Variants in MDGA2 observed in about 807,000 individuals in gnomAD.
The protein encoded by MDGA2 is MAM domain containing glycosylphosphatidylinositol anchor 2, also known as MAM domain-containing glycosylphosphatidylinositol anchor protein 2.
Under a neutral mutation model 117.8 loss-of-function variants are expected in MDGA2, and 40 were observed. The observed-to-expected ratio is 0.34, with a 90% CI of 0.26 to 0.44. MDGA2 has a LOEUF of 0.44. MDGA2 is among the 20% of genes least tolerant of loss of function. MDGA2 has a pLI of 1.00. For synonymous variants in MDGA2, 452 were observed against 439.0 expected (o/e 1.03, Z -0.37); for missense variants, 1,123 against 1,250.6 (o/e 0.90, Z 1.54).
At chr14:47,125,855 T>C (rs970801808) in intron 5 of MDGA2, among the ~76,000 whole-genome samples, 1 of 152,024 alleles carries the variant, frequency 6.6e-6, no homozygotes, top group Admixed American at 6.6e-5. Flanking sequence ...GTAAAAAATA[T>C]GTTTTTCATC....
chr14:47,528,166 G>T (rs1895011915), intron 1 of MDGA2, among the ~76,000 whole-genome samples: 1 of 152,160 alleles, frequency 6.6e-6, no homozygotes, highest in Non-Finnish European at 1.5e-5. Context: ...GCCAGGTCAG[G>T]CCTGTTCTTC....
In MDGA2 at chr14:47,300,099, G is replaced by T. The variant is rs1889225168; in HGVS notation, c.420+1312C>A. 2.0e-5 allele frequency among the ~76,000 whole-genome samples: 3 copies of T among 152,076 alleles called. No individual in the cohort carries two copies. In the South Asian group the frequency reaches 6.2e-4, roughly 31 times the overall value. On this transcript the variant is annotated intron_variant, in intron 2 of 16. Transcript: ENST00000399232. The stretch of plus-strand genomic sequence containing the variant: ...TCAGAGTCAAAATGGTAAATAAAAA[G>T]ATACTTAAGGATCCGTCAGTAAGAG...
intron 1 of MDGA2, among the ~76,000 whole-genome samples, chr14:47,605,105 A>C (rs1896718858): frequency 6.6e-6 from 1 of 151,904 alleles, no homozygotes; most frequent in Admixed American, 6.6e-5. Context: ...CCCATAGTTT[A>C]AAATGCCCTG....
At chr14:47,284,506 T>A (rs1888604750) in intron 2 of MDGA2, among the ~76,000 whole-genome samples, 1 of 152,182 alleles carries the variant, frequency 6.6e-6, no homozygotes, top group South Asian at 2.1e-4. Context: ...AAGATGGCCT[T>A]CAGGTACCCC....
chr14:47,085,779 A>G (rs555592263), intron 6 of MDGA2, among the ~76,000 whole-genome samples: 12 of 152,258 alleles, frequency 7.9e-5, no homozygotes, highest in African/African-American at 2.6e-4. Flanking sequence ...ACTAAGATGT[A>G]AAAATGTTTA....
chr14:47,010,258 G>C (rs575829063), intron 8 of MDGA2, among the ~76,000 whole-genome samples: 19 of 152,084 alleles, frequency 1.2e-4, no homozygotes, highest in Non-Finnish European at 2.6e-4. Flanking sequence ...ATAGTCAATA[G>C]ATGCTTTTTG....
intron 2 of MDGA2, among the ~76,000 whole-genome samples, chr14:47,281,497 G>A (rs1344033289): frequency 6.6e-6 from 1 of 152,094 alleles, no homozygotes; most frequent in Non-Finnish European, 1.5e-5. Flanking sequence ...ATCATGGATA[G>A]CACTGTTAGT....
intron 3 of MDGA2, among the ~76,000 whole-genome samples, chr14:47,201,464 G>T (rs1240694953): frequency 6.6e-6 from 1 of 151,994 alleles, no homozygotes; most frequent in Non-Finnish European, 1.5e-5. Flanking sequence ...TCTCTGTCTT[G>T]CCTGGTGCAC....
chr14:47,032,461 C>T (rs1300732698), intron 8 of MDGA2, among the ~76,000 whole-genome samples: 3 of 151,986 alleles, frequency 2.0e-5, no homozygotes, highest in Admixed American at 6.6e-5. Flanking sequence ...GAGGTGCACA[C>T]TTGTAGTCCC....
At chr14:46,942,423 C>T (rs1885030409) in intron 9 of MDGA2, among the ~76,000 whole-genome samples, 1 of 152,028 alleles carries the variant, frequency 6.6e-6, no homozygotes, top group African/African-American at 2.4e-5. Context: ...ATATAATTTA[C>T]ATATAATAAA....
chr14:47,040,780 T>C (rs1889037010), intron 7 of MDGA2, among the ~76,000 whole-genome samples: 1 of 152,200 alleles, frequency 6.6e-6, no homozygotes, highest in South Asian at 2.1e-4. Flanking sequence ...GTTTTACCCA[T>C]TTAACCTGTC....
rs558862555 is a variant in MDGA2 at position 47,614,123 on chromosome 14, C to CA, written c.280+60393dup. Among the ~76,000 whole-genome samples, 949 of 101,098 alleles carry CA rather than the reference C, an allele frequency of 9.4e-3. 13 individuals are homozygous for CA. Among genetic ancestry groups the CA allele is most frequent in the African/African-American group, 0.032 (834 of 26,460 alleles). The allele number at this position is 101,098 out of a possible 152,430, so 66.3% of individuals were successfully genotyped here. A position where few individuals can be genotyped will look rare whatever the true frequency, so the allele number is the denominator to read the frequency against. On this transcript the variant is annotated intron_variant, in intron 1 of 16. Coordinates refer to ENST00000399232, the MANE Select transcript of MDGA2 (RefSeq NM_001113498.3). Reference sequence around the variant, plus strand: ...TTTTTTTTTTTTTTTGACAGTGTCTCAAAAAAAAAAAAAAGTGGTGCAATG... The same window carrying CA: ...TTTTTTTTTTTTTTTGACAGTGTCTCAAAAAAAAAAAAAAAGTGGTGCAATG...
chr14:47,102,385 AC>A, intron 5 of MDGA2, among the ~76,000 whole-genome samples: 1 of 149,796 alleles, frequency 6.7e-6, no homozygotes, highest in Admixed American at 6.6e-5. Context: ...ACACACACAC[AC>A]ACACACAAAC....
chr14:47,441,371 T>C (rs1192378285), intron 1 of MDGA2, among the ~76,000 whole-genome samples: 2 of 152,254 alleles, frequency 1.3e-5, no homozygotes, highest in Middle Eastern at 3.4e-3. Flanking sequence ...GCTGGCTGGA[T>C]TTCATTGACT....
chr14:47,090,444 A>G (rs1388636020), intron 6 of MDGA2, among the ~76,000 whole-genome samples: 1 of 152,196 alleles, frequency 6.6e-6, no homozygotes, highest in Admixed American at 6.5e-5. Flanking sequence ...TGATTCTAAA[A>G]TCATTTACAG....
chr14:47,580,871 G>C (rs1896217071), intron 1 of MDGA2, among the ~76,000 whole-genome samples: 1 of 151,902 alleles, frequency 6.6e-6, no homozygotes, highest in Non-Finnish European at 1.5e-5. Context: ...CGTCTCCACA[G>C]GTTACACATC....
At chr14:47,198,434 T>G (rs1885367786) in intron 3 of MDGA2, among the ~76,000 whole-genome samples, 1 of 152,064 alleles carries the variant, frequency 6.6e-6, no homozygotes, top group Non-Finnish European at 1.5e-5. Flanking sequence ...TAACCGGGCT[T>G]GGTGGCAGGC....
At chr14:47,372,540 G>T (rs1185386203) in intron 1 of MDGA2, among the ~76,000 whole-genome samples, 1 of 151,722 alleles carries the variant, frequency 6.6e-6, no homozygotes, top group African/African-American at 2.4e-5. Flanking sequence ...CATAAAATTG[G>T]CAAACTTAAA....
intron 5 of MDGA2, among the ~76,000 whole-genome samples, chr14:47,098,362 A>G (rs914999501): frequency 5.3e-5 from 8 of 151,678 alleles, no homozygotes; most frequent in Non-Finnish European, 7.4e-5. Flanking sequence ...TTAAGCATCA[A>G]TGTTTCATGT....
Sources: allele counts gnomAD v4.1 joint callset (sites outside exome capture counted in the v4.1 genomes callset), GRCh38; gene constraint gnomAD v4.1.1; transcripts MANE v1.5; gene names NCBI Gene and HGNC (gene_info 2026-07-23, HGNC 2026-07-21).